The following ABTB3 variants were observed in gnomAD, a reference collection of about 807,000 sequenced individuals.
ABTB3 encodes the protein ankyrin repeat- and BTB/POZ domain-containing protein 3.
chr12:107,502,381 T>C, the ABTB3 span, among the ~76,000 whole-genome samples: 1 of 152,100 alleles, frequency 6.6e-6, no homozygotes. Flanking sequence ...GCATTGGTAC[T>C]TTTTAAAACT....
chr12:107,555,770 C>T, the ABTB3 span, among the ~76,000 whole-genome samples: 23 of 152,314 alleles, frequency 1.5e-4, no homozygotes, highest in South Asian at 4.8e-3. Context: ...CAGCATAGGA[C>T]ATTCCCATCA....
At chr12:107,487,029 G>A in the ABTB3 span, among the ~76,000 whole-genome samples, 2 of 152,074 alleles carry the variant, frequency 1.3e-5, no homozygotes, top group East Asian at 3.9e-4. Flanking sequence ...ATACAGATGG[G>A]AAACAGACTA....
the ABTB3 span, among the ~76,000 whole-genome samples, chr12:107,633,180 G>A: frequency 2.0e-5 from 3 of 152,170 alleles, no homozygotes; most frequent in Admixed American, 2.0e-4. Context: ...GGGAGGTGGT[G>A]TCTTTGGGAG....
At chr12:107,619,256 C>CAGTA in the ABTB3 span, among the ~76,000 whole-genome samples, 2 of 152,180 alleles carry the variant, frequency 1.3e-5, no homozygotes, top group Non-Finnish European at 2.9e-5. Flanking sequence ...TTGTTATAAA[C>CAGTA]AGTAGCAAGA....
the ABTB3 span, among the ~76,000 whole-genome samples, chr12:107,328,759 T>C: frequency 6.6e-6 from 1 of 152,206 alleles, no homozygotes; most frequent in Admixed American, 6.5e-5. Flanking sequence ...CTCAAAAGCC[T>C]GTGCGCTGAA....
the ABTB3 span, among the ~76,000 whole-genome samples, chr12:107,515,607 T>A: frequency 6.6e-6 from 1 of 152,196 alleles, no homozygotes; most frequent in African/African-American, 2.4e-5. Context: ...GCTACTTGAC[T>A]TAGCCTCTGA....
chr12:107,586,188 T>C, the ABTB3 span, among the ~76,000 whole-genome samples: 1 of 152,114 alleles, frequency 6.6e-6, no homozygotes, highest in Non-Finnish European at 1.5e-5. Flanking sequence ...AAAGAAAGGC[T>C]TGGTATCTTA....
chr12:107,547,820 T>C, the ABTB3 span, among the ~76,000 whole-genome samples: 1 of 152,212 alleles, frequency 6.6e-6, no homozygotes, highest in Non-Finnish European at 1.5e-5. Flanking sequence ...ATGAGACTGA[T>C]GTGAGCAATG....
the ABTB3 span, among the ~76,000 whole-genome samples, chr12:107,371,973 A>G: frequency 6.6e-6 from 1 of 152,108 alleles, no homozygotes; most frequent in Non-Finnish European, 1.5e-5. Context: ...TCCTGTAGGT[A>G]CTCATCTGGT....
At chr12:107,419,056 C>T in the ABTB3 span, among the ~76,000 whole-genome samples, 1 of 152,248 alleles carries the variant, frequency 6.6e-6, no homozygotes, top group South Asian at 2.1e-4. Flanking sequence ...AGAATGCTTG[C>T]TCTTGGAGAC....
At chr12:107,514,484 A>G in the ABTB3 span, among the ~76,000 whole-genome samples, 2 of 152,156 alleles carry the variant, frequency 1.3e-5, no homozygotes, top group East Asian at 3.9e-4. Context: ...ACTCAAACTC[A>G]TATTTGAACC....
At chr12:107,634,555 A>C in the ABTB3 span, among the ~76,000 whole-genome samples, 2 of 152,202 alleles carry the variant, frequency 1.3e-5, no homozygotes, top group East Asian at 3.8e-4. Context: ...AACAAAAAGA[A>C]ACAAAATGCT....
chr12:107,596,209 G>A, the ABTB3 span, among the ~76,000 whole-genome samples: 2 of 152,218 alleles, frequency 1.3e-5, no homozygotes, highest in African/African-American at 2.4e-5. Context: ...CCCTATTCCA[G>A]TCAAGGATCC....
chr12:107,597,786 C>T, the ABTB3 span, among the ~76,000 whole-genome samples: 1 of 152,306 alleles, frequency 6.6e-6, no homozygotes, highest in South Asian at 2.1e-4. Context: ...GACTTCTCCA[C>T]AAGATCTTTA....
At chr12:107,391,024 G>A in the ABTB3 span, among the ~76,000 whole-genome samples, 1 of 152,284 alleles carries the variant, frequency 6.6e-6, no homozygotes, top group Non-Finnish European at 1.5e-5. Context: ...GGTGGCATGT[G>A]CCTGTAATCC....
At chr12:107,624,899 A>C in the ABTB3 span, among the ~76,000 whole-genome samples, 31 of 152,228 alleles carry the variant, frequency 2.0e-4, no homozygotes, top group South Asian at 1.0e-3. Context: ...GTTTTTAAAT[A>C]AACTGCCAAA....
chr12:107,452,550 T>A, the ABTB3 span, among the ~76,000 whole-genome samples: 3 of 151,866 alleles, frequency 2.0e-5, no homozygotes, highest in Admixed American at 6.6e-5. Context: ...GGGGAGAGTC[T>A]TAAAAATTTA....
At chr12:107,503,391 C>G in the ABTB3 span, among the ~76,000 whole-genome samples, 1 of 152,052 alleles carries the variant, frequency 6.6e-6, no homozygotes, top group Non-Finnish European at 1.5e-5. Flanking sequence ...ATTGGCTAAC[C>G]TTGAGTGGGG....
the ABTB3 span, among the ~76,000 whole-genome samples, chr12:107,416,620 G>A: frequency 5.3e-5 from 8 of 151,952 alleles, 1 homozygote; most frequent in African/African-American, 1.5e-4. Flanking sequence ...TGGCCCTGTC[G>A]GTGTTTCCAT....
Sources: allele counts gnomAD v4.1 joint callset (sites outside exome capture counted in the v4.1 genomes callset), GRCh38; gene constraint gnomAD v4.1.1; transcripts MANE v1.5; gene names NCBI Gene and HGNC (gene_info 2026-07-23, HGNC 2026-07-21).